Variants in PMPCB observed in about 807,000 individuals in gnomAD.
PMPCB encodes the protein peptidase, mitochondrial processing subunit beta, also known as mitochondrial-processing peptidase subunit beta.
A neutral mutation model predicts 61.5 loss-of-function variants in PMPCB; 46 were observed. The ratio of observed to expected loss-of-function variants is 0.75; its 90% confidence interval spans 0.59 to 0.96. The LOEUF (loss-of-function observed/expected upper bound fraction) is 0.96, where lower values mean the gene tolerates loss of function less well. Ranked by LOEUF, PMPCB falls within the 40% of genes least tolerant of loss-of-function variation. PMPCB has a pLI of 0.00. For missense variants in PMPCB, 590 were observed against 602.4 expected (o/e 0.98, Z 0.22); for synonymous variants, 191 against 201.6 (o/e 0.95, Z 0.44).
At chr7:103,305,697 C>T (rs79376317) in intron 6 of PMPCB, among the ~76,000 whole-genome samples, 2 of 152,144 alleles carry the variant, frequency 1.3e-5, no homozygotes, top group Admixed American at 6.5e-5. Flanking sequence ...AAGTACCTGG[C>T]GGGTAATGGA....
chr7:103,327,558 T>C, intron 12 of PMPCB: 1 of 789,330 alleles, frequency 1.3e-6, no homozygotes, highest in Middle Eastern at 2.3e-4. Context: ...TGTCAAAGGA[T>C]AGTTGAATGA....
chr7:103,309,269 C>G (rs369995396), intron 8 of PMPCB, 174 bp downstream of exon 8: 10 of 493,266 alleles, frequency 2.0e-5, no homozygotes, highest in East Asian at 1.1e-4. Flanking sequence ...GAAAAAGTTT[C>G]TTTTTTTCTT....
Position 103,313,747 on chromosome 7 carries a change from T to A in PMPCB, c.*1476T>A. The A allele has an allele frequency of 3.0e-6, 3 of 985,356 alleles. No homozygotes were observed. Among genetic ancestry groups the A allele is most frequent in the Non-Finnish European group, 3.6e-6 (3 of 829,838 alleles). The allele number at this position is 985,356 out of a possible 1,614,324, so 61.0% of individuals were successfully genotyped here. A position where few individuals can be genotyped will look rare whatever the true frequency, so the allele number is the denominator to read the frequency against. On this transcript the variant is annotated 3_prime_UTR_variant, in exon 13 of 13. Transcript: ENST00000249269. The stretch of plus-strand genomic sequence containing the variant: ...TGGTTCTTCAACTAAACCTTGTATA[T>A]TTCAGAAAACATCTAAGATGTGTGT...
At chr7:103,307,515 T>C in intron 6 of PMPCB, 81 bp from the exon 7 acceptor site, 1 of 784,382 alleles carries the variant, frequency 1.3e-6, no homozygotes. Context: ...ATGTGTAATG[T>C]ACATCACATT....
chr7:103,323,551 A>G, intron 12 of PMPCB: 1 of 1,410,716 alleles, frequency 7.1e-7, no homozygotes, highest in Non-Finnish European at 9.4e-7. Context: ...CACAAATACC[A>G]GAGAACCAAA....
the PMPCB span, among the ~76,000 whole-genome samples, chr7:103,334,548 C>T: frequency 2.0e-5 from 3 of 151,126 alleles, no homozygotes; most frequent in South Asian, 6.3e-4. Flanking sequence ...TGCACTCCAC[C>T]CTGGATAACA....
chr7:103,301,371 G>A (rs997067145), intron 4 of PMPCB, among the ~76,000 whole-genome samples: 3 of 152,236 alleles, frequency 2.0e-5, no homozygotes, highest in East Asian at 1.9e-4. Flanking sequence ...ATGTTGGTTT[G>A]AATAACAAAA....
the PMPCB span, among the ~76,000 whole-genome samples, chr7:103,347,300 T>G: frequency 6.6e-6 from 1 of 152,234 alleles, no homozygotes; most frequent in African/African-American, 2.4e-5. Context: ...CTAACAGTGA[T>G]GTTGTCCATT....
At chr7:103,319,893 T>C (rs1414819394) in intron 12 of PMPCB, 2 of 1,585,174 alleles carry the variant, frequency 1.3e-6, no homozygotes, top group East Asian at 2.2e-5. Flanking sequence ...AATACATCCA[T>C]CAACATAATT....
downstream of PMPCB, among the ~76,000 whole-genome samples, chr7:103,332,921 G>A (rs1819031249): frequency 6.6e-6 from 1 of 152,186 alleles, no homozygotes; most frequent in Non-Finnish European, 1.5e-5. Flanking sequence ...ACCATGATTA[G>A]CTCTTTCTGT....
intron 4 of PMPCB, among the ~76,000 whole-genome samples, chr7:103,303,511 T>G (rs761397373): frequency 6.6e-6 from 1 of 152,236 alleles, no homozygotes; most frequent in Non-Finnish European, 1.5e-5. Context: ...GCTAGGTATT[T>G]TCAGACTAAT....
rs769398425 is a variant in PMPCB at position 103,312,038 on chromosome 7, G to A, written c.1330-18G>A. The A allele has an allele frequency of 6.2e-6, 10 of 1,609,700 alleles. No individual in the cohort carries two copies. In the South Asian group the frequency reaches 8.8e-5, roughly 14 times the overall value. On this transcript the variant is annotated intron_variant, in intron 11 of 12. Coordinates refer to ENST00000249269, the MANE Select transcript of PMPCB (RefSeq NM_004279.3). ...TTTTACTACAAACAGCTGAATGACA[G>A]TGTCTTCCATATTTCAGGCTGTGAA...
At chr7:103,315,957 T>TA, downstream of PMPCB, 1 of 1,564,878 alleles carries the variant, frequency 6.4e-7, no homozygotes, top group Non-Finnish European at 8.7e-7. Flanking sequence ...AATAGGTGTT[T>TA]AAAGTAACAA....
At chr7:103,344,373 T>C in the PMPCB span, 2 of 626,236 alleles carry the variant, frequency 3.2e-6, no homozygotes, top group African/African-American at 1.8e-5. Flanking sequence ...CCCCTCACCC[T>C]CCTTCCTTCT....
Position 103,313,916 on chromosome 7 carries a change from A to C in PMPCB, c.*1645A>C. On this transcript the variant is annotated 3_prime_UTR_variant, in exon 13 of 13. Coordinates refer to ENST00000249269, the MANE Select transcript of PMPCB (RefSeq NM_004279.3). ...TAGTTATTTCAGACTATGCAGTGAC[A>C]ACACAGACTAATACTACCAGTAGCC... The C allele has an allele frequency of 2.0e-6, 2 of 985,434 alleles. No homozygotes were observed. Among genetic ancestry groups the C allele is most frequent in the Non-Finnish European group, 2.4e-6 (2 of 829,936 alleles). 61.0% of individuals were successfully genotyped at this position (985,434 alleles called of 1,614,324 possible).
the PMPCB span, among the ~76,000 whole-genome samples, chr7:103,342,887 C>A: frequency 6.6e-6 from 1 of 152,120 alleles, no homozygotes; most frequent in Non-Finnish European, 1.5e-5. Flanking sequence ...GGATTACAGG[C>A]GTGAGCCACC....
downstream of PMPCB, chr7:103,316,915 C>T (rs1818092333): frequency 6.2e-7 from 1 of 1,613,976 alleles, no homozygotes; most frequent in South Asian, 1.1e-5. Flanking sequence ...CTTCCATTTC[C>T]ACCTCCACCA....
chr7:103,305,246 A>G (rs1273256223), intron 6 of PMPCB, among the ~76,000 whole-genome samples: 3 of 152,304 alleles, frequency 2.0e-5, no homozygotes, highest in Middle Eastern at 3.4e-3. Context: ...GAGCCATAAG[A>G]ATGTTGAATG....
chr7:103,308,168 T>C (rs918588898), intron 7 of PMPCB, among the ~76,000 whole-genome samples: 1 of 152,230 alleles, frequency 6.6e-6, no homozygotes, highest in Non-Finnish European at 1.5e-5. Context: ...CTACTAGTTA[T>C]CAACTAGCTT....
Sources: allele counts gnomAD v4.1 joint callset (sites outside exome capture counted in the v4.1 genomes callset), GRCh38; gene constraint gnomAD v4.1.1; transcripts MANE v1.5; gene names NCBI Gene and HGNC (gene_info 2026-07-23, HGNC 2026-07-21).